CDYL2: variants seen among roughly 807,000 people sequenced by gnomAD.
CDYL2 encodes the protein chromodomain Y-like protein 2.
Under a neutral mutation model 49.4 loss-of-function variants are expected in CDYL2, and 23 were observed. The observed-to-expected ratio is 0.47, with a 90% CI of 0.34 to 0.66. CDYL2 has a LOEUF of 0.66. Ranked by LOEUF, CDYL2 falls within the 30% of genes least tolerant of loss-of-function variation. The pLI is 0.01. For synonymous variants in CDYL2, 360 were observed against 268.8 expected (o/e 1.34, Z -3.32); for missense variants, 678 against 656.4 (o/e 1.03, Z -0.36).
intron 2 of CDYL2, among the ~76,000 whole-genome samples, chr16:80,650,625 C>A (rs1231279014): frequency 6.6e-6 from 1 of 152,136 alleles, no homozygotes; most frequent in Non-Finnish European, 1.5e-5. Flanking sequence ...TGGGTATACA[C>A]CCAAAAGAAA....
intron 1 of CDYL2, among the ~76,000 whole-genome samples, chr16:80,803,419 A>G (rs1270093606): frequency 1.3e-5 from 2 of 151,996 alleles, no homozygotes; most frequent in Admixed American, 6.5e-5. Flanking sequence ...CCTCCCACCC[A>G]GGGCCCTCCG....
At chr16:80,623,714 A>G (rs1567544880) in intron 3 of CDYL2, among the ~76,000 whole-genome samples, 2 of 152,198 alleles carry the variant, frequency 1.3e-5, no homozygotes, top group Non-Finnish European at 2.9e-5. Context: ...TGACAAAATC[A>G]AAGTACAGTC....
At chr16:80,706,380 G>A (rs1013134408) in intron 1 of CDYL2, among the ~76,000 whole-genome samples, 1 of 152,138 alleles carries the variant, frequency 6.6e-6, no homozygotes, top group Non-Finnish European at 1.5e-5. Flanking sequence ...CAAGCTCTCG[G>A]AAACAAGATA....
chr16:80,656,325 T>C (rs990978088), intron 2 of CDYL2, among the ~76,000 whole-genome samples: 1 of 152,180 alleles, frequency 6.6e-6, no homozygotes, highest in African/African-American at 2.4e-5. Context: ...GGCCAAAGAT[T>C]AGGCATTCCA....
intron 3 of CDYL2, among the ~76,000 whole-genome samples, chr16:80,626,275 T>TAAAAAAAAAAAAAAAAAAA (rs11358031): frequency 1.1e-5 from 1 of 92,294 alleles, no homozygotes; most frequent in African/African-American, 4.0e-5. Context: ...AAATCCCATC[T>TAAAAAAAAAAAAAAAAAAA]AAAAAAAAAA....
chr16:80,639,911 C>T (rs947252349), intron 2 of CDYL2, among the ~76,000 whole-genome samples: 14 of 152,168 alleles, frequency 9.2e-5, no homozygotes, highest in African/African-American at 3.4e-4. Context: ...AATGACGGAG[C>T]ATTTAGACCA....
chr16:80,727,572 A>C (rs1229793103), intron 1 of CDYL2, among the ~76,000 whole-genome samples: 1 of 152,232 alleles, frequency 6.6e-6, no homozygotes, highest in Non-Finnish European at 1.5e-5. Context: ...GCAGCCAGGA[A>C]GCTCGAACTG....
At chr16:80,801,156 T>C (rs1907915892) in intron 1 of CDYL2, among the ~76,000 whole-genome samples, 1 of 152,206 alleles carries the variant, frequency 6.6e-6, no homozygotes, top group Non-Finnish European at 1.5e-5. Flanking sequence ...TCACTTTCGA[T>C]CCAGACAGAT....
chr16:80,803,807 G>C (rs1313822462), intron 1 of CDYL2, among the ~76,000 whole-genome samples: 2 of 144,086 alleles, frequency 1.4e-5, no homozygotes, highest in Admixed American at 6.9e-5. Context: ...GCGGCTCGTC[G>C]GGCGAGAAAC....
chr16:80,804,524 C>A lies in CDYL2; in HGVS notation c.-351G>T, dbSNP rs1263223744. On this transcript the variant is annotated 5_prime_UTR_variant, in exon 1 of 7. Coordinates refer to ENST00000570137, the MANE Select transcript of CDYL2 (RefSeq NM_152342.4). Reference sequence around the variant, plus strand: ...GCGACCCGGCGGCGGTGGCTGCAGCCGGCAACGGCTCGCCCCGGCGCCGCC... The same window carrying A: ...GCGACCCGGCGGCGGTGGCTGCAGCAGGCAACGGCTCGCCCCGGCGCCGCC... Among the ~76,000 whole-genome samples, 1 of 143,954 alleles carries A rather than the reference C, an allele frequency of 6.9e-6. No individual in the cohort carries two copies. The highest frequency in any genetic ancestry group is 1.5e-5 in the Non-Finnish European group (1 of 65,072). 94.4% of individuals were successfully genotyped at this position (143,954 alleles called of 152,430 possible).
chr16:80,626,135 C>CAA (rs369077011), intron 3 of CDYL2, among the ~76,000 whole-genome samples: 34 of 139,762 alleles, frequency 2.4e-4, no homozygotes, highest in South Asian at 4.5e-4. Context: ...CCTAAAAATA[C>CAA]AAAAAAAAAA....
At chr16:80,622,695 T>A (rs2142378138) in intron 3 of CDYL2, among the ~76,000 whole-genome samples, 1 of 152,226 alleles carries the variant, frequency 6.6e-6, no homozygotes, top group South Asian at 2.1e-4. Context: ...GGCTGCTTGC[T>A]CACCCACCTA....
At position 80,598,516 on chromosome 16, in the gene CDYL2, G is replaced by C. The variant is rs576537328; in HGVS notation, c.*5872C>G. 6.6e-6 allele frequency: 1 copy of C among 152,246 alleles called. No homozygotes were observed. Among genetic ancestry groups the C allele is most frequent in the South Asian group, 2.1e-4 (1 of 4,824 alleles). 9.4% of individuals were successfully genotyped at this position (152,246 alleles called of 1,614,324 possible). A position where few individuals can be genotyped will look rare whatever the true frequency, so the allele number is the denominator to read the frequency against. ...ACAGGAATTAGAATGGGTCAATGAA[G>C]AACAAAAGGAGGCAGACATTTGGAA... is the stretch of plus-strand genomic sequence containing the variant. On this transcript the variant is annotated 3_prime_UTR_variant, in exon 7 of 7. Transcript: ENST00000570137.
intron 2 of CDYL2, among the ~76,000 whole-genome samples, chr16:80,656,780 A>T (rs1362297524): frequency 2.6e-5 from 4 of 152,326 alleles, no homozygotes; most frequent in Admixed American, 1.3e-4. Context: ...TATGAGAGGC[A>T]CAACACTGAC....
chr16:80,652,266 G>C (rs1908616634), intron 2 of CDYL2, among the ~76,000 whole-genome samples: 1 of 152,064 alleles, frequency 6.6e-6, no homozygotes, highest in Admixed American at 6.5e-5. Flanking sequence ...CTCAAACAAA[G>C]CAAAGCAACA....
chr16:80,758,042 G>C (rs570116300), intron 1 of CDYL2, among the ~76,000 whole-genome samples: 62 of 152,170 alleles, frequency 4.1e-4, no homozygotes, highest in Middle Eastern at 6.8e-3. Context: ...TTCCAATACA[G>C]AGGTATGGTA....
chr16:80,745,541 T>C (rs181627157), intron 1 of CDYL2, among the ~76,000 whole-genome samples: 73 of 152,246 alleles, frequency 4.8e-4, no homozygotes, highest in African/African-American at 1.8e-3. Context: ...CAGTACCCCC[T>C]TCATGGAGTT....
intron 1 of CDYL2, among the ~76,000 whole-genome samples, chr16:80,691,225 C>T (rs1039389259): frequency 2.0e-5 from 3 of 152,324 alleles, no homozygotes; most frequent in African/African-American, 7.2e-5. Context: ...CCTGAGACAA[C>T]TCCCTTGGGG....
At chr16:80,638,075 T>C (rs2142400261) in intron 2 of CDYL2, among the ~76,000 whole-genome samples, 1 of 150,006 alleles carries the variant, frequency 6.7e-6, no homozygotes. Context: ...ATTGAAAGAC[T>C]CCATTTTTTT....
Sources: allele counts gnomAD v4.1 joint callset (sites outside exome capture counted in the v4.1 genomes callset), GRCh38; gene constraint gnomAD v4.1.1; transcripts MANE v1.5; gene names NCBI Gene and HGNC (gene_info 2026-07-23, HGNC 2026-07-21).